Variants in RARB observed in about 807,000 individuals in gnomAD.
RARB encodes the protein retinoic acid receptor beta, also known as HBV-activated protein.
Under a neutral mutation model 51.9 loss-of-function variants are expected in RARB, and 17 were observed. That is an observed-to-expected ratio of 0.33 (90% CI 0.22 to 0.49). The LOEUF (loss-of-function observed/expected upper bound fraction) is 0.49. RARB is among the 20% of genes least tolerant of loss of function. The pLI is 0.99. For synonymous variants in RARB, 215 were observed against 195.4 expected (o/e 1.10, Z -0.84); for missense variants, 369 against 550.8 (o/e 0.67, Z 3.30).
intron 2 of RARB, among the ~76,000 whole-genome samples, chr3:24,992,297 C>A (rs1322404037): frequency 6.6e-6 from 1 of 152,056 alleles, no homozygotes; most frequent in African/African-American, 2.4e-5. Context: ...ACATATGTTT[C>A]TTTTCTGCCT....
intron 2 of RARB, among the ~76,000 whole-genome samples, chr3:24,869,271 C>T (rs569247487): frequency 2.6e-5 from 4 of 152,214 alleles, no homozygotes; most frequent in African/African-American, 7.2e-5. Flanking sequence ...ATCTGGTCAA[C>T]TTTAGTATTT....
chr3:25,165,401 G>T (rs1429717477), intron 4 of RARB, among the ~76,000 whole-genome samples: 2 of 152,048 alleles, frequency 1.3e-5, no homozygotes, highest in Admixed American at 6.6e-5. Context: ...AAACCAATCA[G>T]CAGTAAGACT....
chr3:25,369,006 C>T (rs1204327583), intron 5 of RARB, among the ~76,000 whole-genome samples: 1 of 152,160 alleles, frequency 6.6e-6, no homozygotes, highest in Non-Finnish European at 1.5e-5. Flanking sequence ...GTGGCATTTT[C>T]TGTATAGGAT....
chr3:25,300,417 C>G (rs1350848504), intron 5 of RARB, among the ~76,000 whole-genome samples: 28 of 152,202 alleles, frequency 1.8e-4, no homozygotes, highest in Admixed American at 1.8e-3. Context: ...GTCTCTGAAT[C>G]ATTAACTCCA....
intron 3 of RARB, among the ~76,000 whole-genome samples, chr3:25,518,186 A>G (rs983919977): frequency 2.6e-5 from 4 of 152,222 alleles, no homozygotes; most frequent in African/African-American, 9.6e-5. Context: ...TAATTGATGT[A>G]AGGGAAAATA....
At chr3:25,283,287 G>C (rs1703569155) in intron 5 of RARB, among the ~76,000 whole-genome samples, 1 of 152,226 alleles carries the variant, frequency 6.6e-6, no homozygotes. Context: ...CAAAAGAGCA[G>C]AGCTGGGCTT....
At chr3:25,426,665 C>A (rs953173947), upstream of RARB, among the ~76,000 whole-genome samples, 6 of 152,216 alleles carry the variant, frequency 3.9e-5, no homozygotes, top group African/African-American at 1.4e-4. Flanking sequence ...ACTTGCCTGC[C>A]CTGTTTTGTG....
At chr3:25,535,768 G>A (rs1699114901) in intron 3 of RARB, among the ~76,000 whole-genome samples, 1 of 152,150 alleles carries the variant, frequency 6.6e-6, no homozygotes, top group Non-Finnish European at 1.5e-5. Flanking sequence ...TCTTAAATGG[G>A]AAATAATATG....
intron 5 of RARB, chr3:25,258,989 G>A (rs1171962848): frequency 1.0e-6 from 1 of 972,734 alleles, no homozygotes; most frequent in Non-Finnish European, 1.2e-6. Context: ...AGTTTTGCTG[G>A]GGACAAACCA....
intron 5 of RARB, among the ~76,000 whole-genome samples, chr3:25,241,317 CT>C (rs1414865984): frequency 2.0e-5 from 3 of 151,948 alleles, no homozygotes; most frequent in Non-Finnish European, 4.4e-5. Context: ...TGTTTTATGT[CT>C]TTTTTTAAAT....
intron 5 of RARB, among the ~76,000 whole-genome samples, chr3:25,311,559 A>T (rs1317393615): frequency 2.0e-5 from 3 of 152,212 alleles, no homozygotes; most frequent in Admixed American, 2.0e-4. Context: ...TTCCACCCAA[A>T]CATTCCCTAT....
At chr3:25,520,519 A>G (rs1212183055) in intron 3 of RARB, among the ~76,000 whole-genome samples, 1 of 152,228 alleles carries the variant, frequency 6.6e-6, no homozygotes, top group Non-Finnish European at 1.5e-5. Context: ...TTTTAAAAGC[A>G]CATATAGATG....
intron 5 of RARB, among the ~76,000 whole-genome samples, chr3:25,308,448 C>CT (rs549224085): frequency 0.16 from 20,307 of 130,604 alleles, 1,904 homozygotes; most frequent in South Asian, 0.27. Context: ...TTCTTTCTTT[C>CT]TTTTTTTTTT....
chr3:25,136,703 G>A (rs1039180246), intron 4 of RARB, among the ~76,000 whole-genome samples: 4 of 151,908 alleles, frequency 2.6e-5, no homozygotes, highest in Non-Finnish European at 5.9e-5. Context: ...TAACTGGGAG[G>A]GAAGATGATT....
intron 1 of RARB, among the ~76,000 whole-genome samples, chr3:24,840,386 T>G (rs1467178574): frequency 1.3e-5 from 2 of 152,178 alleles, no homozygotes; most frequent in Non-Finnish European, 2.9e-5. Flanking sequence ...ATTGCTTCTC[T>G]GTCTATTGCC....
intron 5 of RARB, among the ~76,000 whole-genome samples, chr3:25,282,747 A>G (rs1233355918): frequency 5.3e-5 from 8 of 152,136 alleles, no homozygotes; most frequent in Non-Finnish European, 1.2e-4. Context: ...CATCATTTAG[A>G]AACTGTTGCT....
At chr3:24,992,765 G>C (rs977919353) in intron 2 of RARB, among the ~76,000 whole-genome samples, 2 of 152,064 alleles carry the variant, frequency 1.3e-5, no homozygotes, top group African/African-American at 4.8e-5. Flanking sequence ...AGATCCATTA[G>C]CGATCACCCA....
At chr3:24,961,954 G>A (rs1696151192) in intron 2 of RARB, among the ~76,000 whole-genome samples, 1 of 94,088 alleles carries the variant, frequency 1.1e-5, no homozygotes, top group Non-Finnish European at 1.9e-5. Context: ...TTTTGAGACA[G>A]AGTCTTGCTC....
chr3:25,075,711 A>G (rs1698857715), intron 3 of RARB, among the ~76,000 whole-genome samples: 1 of 152,008 alleles, frequency 6.6e-6, no homozygotes, highest in African/African-American at 2.4e-5. Flanking sequence ...AATGACTATG[A>G]CATTTGTTGG....
Sources: allele counts gnomAD v4.1 joint callset (sites outside exome capture counted in the v4.1 genomes callset), GRCh38; gene constraint gnomAD v4.1.1; transcripts MANE v1.5; gene names NCBI Gene and HGNC (gene_info 2026-07-23, HGNC 2026-07-21).